The following COL4A5 variants were observed in gnomAD, a reference collection of about 807,000 sequenced individuals.
COL4A5 encodes collagen alpha-5(IV) chain.
In COL4A5, 26 loss-of-function variants were observed where a neutral mutation model predicts 130.2. That is an observed-to-expected ratio of 0.20 (90% confidence interval 0.15 to 0.28). COL4A5 has a LOEUF of 0.28. Ranked by LOEUF, COL4A5 falls within the 10% of genes least tolerant of loss-of-function variation. COL4A5 has a pLI of 1.00. For synonymous variants in COL4A5, 496 were observed against 439.6 expected (o/e 1.13, Z -1.60); for missense variants, 1,131 against 1,344.3 (o/e 0.84, Z 2.48).
intron 32 of COL4A5, among the ~76,000 whole-genome samples, 197 bp downstream of exon 32, chrX:108,622,089 G>T (rs894407811): frequency 3.6e-5 from 4 of 112,511 alleles, no homozygotes; most frequent in African/African-American, 1.3e-4. Flanking sequence ...CATGGTAAAT[G>T]CTTAGCTCAA....
intron 1 of COL4A5, among the ~76,000 whole-genome samples, chrX:108,492,305 C>T (rs1012723735): frequency 9.0e-6 from 1 of 111,513 alleles, no homozygotes; most frequent in Non-Finnish European, 1.9e-5. Context: ...ATGCTCACTA[C>T]GATAATGAAA....
At chrX:108,609,525 TG>T (rs960686441) in intron 29 of COL4A5, among the ~76,000 whole-genome samples, 6 of 111,880 alleles carry the variant, frequency 5.4e-5, no homozygotes, top group South Asian at 7.4e-4. Flanking sequence ...ATTTTAGCCC[TG>T]GCTGGCTGAC....
intron 44 of COL4A5, among the ~76,000 whole-genome samples, chrX:108,679,349 A>G (rs752243541): frequency 9.0e-6 from 1 of 111,280 alleles, no homozygotes; most frequent in Admixed American, 9.6e-5. Flanking sequence ...CTCTAGCACT[A>G]CCTCCACATA....
intron 1 of COL4A5, among the ~76,000 whole-genome samples, chrX:108,501,006 AG>A (rs1484543832): frequency 7.3e-4 from 81 of 111,165 alleles, no homozygotes; most frequent in African/African-American, 2.6e-3. Context: ...TATTAGGTAT[AG>A]GGTGAAAAAA....
chrX:108,665,690 A>G (rs1240100968), intron 38 of COL4A5, 103 bp downstream of exon 38: 2 of 564,020 alleles, frequency 3.5e-6, no homozygotes, highest in Non-Finnish European at 6.0e-6. Context: ...TTTCAACACA[A>G]GGAAATATAG....
chrX:108,664,406 GA>G (rs764995025), intron 37 of COL4A5, among the ~76,000 whole-genome samples: 145 of 109,516 alleles, frequency 1.3e-3, no homozygotes, highest in Non-Finnish European at 2.3e-3. Flanking sequence ...ACATCATACA[GA>G]AAAAAAAATG....
intron 1 of COL4A5, among the ~76,000 whole-genome samples, chrX:108,492,517 G>T (rs112375970): frequency 1.2e-3 from 133 of 111,619 alleles, no homozygotes; most frequent in African/African-American, 3.9e-3. Context: ...AAATTAAAAA[G>T]AAAGTATTAC....
chrX:108,479,825 G>A (rs1396476665), intron 1 of COL4A5, among the ~76,000 whole-genome samples: 5 of 111,780 alleles, frequency 4.5e-5, no homozygotes, highest in Non-Finnish European at 9.4e-5. Flanking sequence ...GTGGCTTGAT[G>A]ACCCATAGTC....
chrX:108,494,571 T>A (rs1186939420), intron 1 of COL4A5, among the ~76,000 whole-genome samples: 1 of 111,238 alleles, frequency 9.0e-6, no homozygotes, highest in Non-Finnish European at 1.9e-5. Flanking sequence ...GGACTTTTGG[T>A]TTTATAAATT....
chrX:108,453,731 C>A (rs1306368858), intron 1 of COL4A5, among the ~76,000 whole-genome samples: 1 of 111,621 alleles, frequency 9.0e-6, no homozygotes, highest in Non-Finnish European at 1.9e-5. Flanking sequence ...TATTTAGTTG[C>A]AGAGGCAGAG....
Position 108,539,789 on chromosome X carries a change from G to C in COL4A5, c.125G>C (p.Gly42Ala), listed in dbSNP as rs767309553. Residue 42 changes from glycine to alanine, a missense_variant, in exon 2 of 53, where the codon GGC becomes GCC. Gly to Ala is a moderately conservative substitution (Grantham distance 60). Transcript: ENST00000328300. ...CCAGGATCAAAGTGTGACTGCAGTG[G>C]CATAAAAGGGGAAAAGGTGAGGTCT... is the stretch of plus-strand genomic sequence containing the variant. ...CSPGSKCDCS[G>A]IKGEKGERGF... The C allele has an allele frequency of 8.3e-7, 1 of 1,205,085 alleles. No individual in the cohort carries two copies. Among genetic ancestry groups the C allele is most frequent in the East Asian group, 3.0e-5 (1 of 33,704 alleles).
chrX:108,588,506 G>A (rs2066373567), intron 19 of COL4A5, among the ~76,000 whole-genome samples: 1 of 110,377 alleles, frequency 9.1e-6, no homozygotes, highest in African/African-American at 3.3e-5. Flanking sequence ...TGAATGAAAA[G>A]TTAAGAGGTA....
rs2147935125 is a variant in COL4A5, at chrX:108,655,371, T to C, written c.3287T>C (p.Ile1096Thr). ...CCTGGATACCCAGGGAACCCTGGTA[T>C]CAAAGGTTCTGTGGGAGATCCTGGT... ...GLPGYPGNPG[I>T]KGSVGDPGLP... Residue 1096 changes from isoleucine (I) to threonine (T), a missense_variant, in exon 37 of 53, where the codon ATC (isoleucine) becomes ACC (threonine). By Grantham distance (89) the Ile-to-Thr change is moderately conservative. Transcript: ENST00000328300. The C allele has an allele frequency of 8.3e-7, 1 of 1,210,493 alleles. No individual in the cohort carries two copies. The highest frequency in any genetic ancestry group is 3.0e-5 in the East Asian group (1 of 33,817).
chrX:108,687,521 T>C lies in COL4A5; in HGVS notation c.4355T>C (p.Leu1452Ser). The change falls in exon 49 of 53, where the codon TTG becomes TCG. Residue 1452 changes from leucine (L) to serine (S), a missense_variant. By Grantham distance (145) the Leu-to-Ser change is moderately radical. Transcript: ENST00000328300. ...GATGGTCCCCCTGGTCCAGATGGAT[T>C]GCAAGGTCCCCCAGGTCCCCCTGGA... Reference protein sequence around the residue: ...GLDGPPGPDGLQGPPGPPGTS... With the variant: ...GLDGPPGPDGSQGPPGPPGTS... 1 of 1,211,673 alleles carries C rather than the reference T, an allele frequency of 8.3e-7. No homozygotes were observed. The highest frequency in any genetic ancestry group is 2.3e-4 in the Middle Eastern group (1 of 4,352).
chrX:108,675,646 ATTG>A (rs762858943), intron 43 of COL4A5, among the ~76,000 whole-genome samples: 2 of 111,583 alleles, frequency 1.8e-5, no homozygotes, highest in East Asian at 2.8e-4. Flanking sequence ...ATGTAAAACA[ATTG>A]TTGTACTATT....
rs1192737853 is a variant in COL4A5, at chrX:108,633,442, G to C, written c.3246+7093G>C. Reference sequence around the variant, plus strand: ...ATTTTTTTTCCCAAATAAATATCCAGTTGACTGAGCCTCATTTGTTACAAA... The same window carrying C: ...ATTTTTTTTCCCAAATAAATATCCACTTGACTGAGCCTCATTTGTTACAAA... On this transcript the variant is annotated intron_variant, in intron 36 of 52. Transcript: ENST00000328300. Among the ~76,000 whole-genome samples the C allele has an allele frequency of 2.7e-5, 3 of 110,842 alleles. No individual in the cohort carries two copies. In the East Asian group the frequency reaches 8.5e-4, roughly 31 times the overall value.
At chrX:108,549,925 C>T (rs996637759) in intron 2 of COL4A5, among the ~76,000 whole-genome samples, 1 of 111,281 alleles carries the variant, frequency 9.0e-6, no homozygotes, top group Non-Finnish European at 1.9e-5. Context: ...GTGAAATGGA[C>T]AAATTCCTTA....
intron 1 of COL4A5, among the ~76,000 whole-genome samples, chrX:108,521,158 TTATTTAA>T (rs1255725022): frequency 3.6e-5 from 4 of 111,738 alleles, no homozygotes; most frequent in African/African-American, 1.3e-4. Context: ...TCTTAAAGTG[TTATTTAA>T]TATTCAAGTC....
At chrX:108,453,519 A>G (rs1260754733) in intron 1 of COL4A5, among the ~76,000 whole-genome samples, 1 of 111,888 alleles carries the variant, frequency 8.9e-6, no homozygotes, top group Middle Eastern at 4.2e-3. Flanking sequence ...TTGCCACTTG[A>G]AAATGAATAA....
Sources: gnomAD v4.1 joint callset for allele counts (sites outside exome capture counted in the v4.1 genomes callset) on GRCh38, gnomAD v4.1.1 for gene constraint, MANE v1.5 for transcripts, NCBI Gene and HGNC (gene_info 2026-07-23, HGNC 2026-07-21) for gene names.